The following GABRA2 variants were observed in gnomAD, a reference collection of about 807,000 sequenced individuals.
The protein encoded by GABRA2 is gamma-aminobutyric acid receptor subunit alpha-2.
A neutral mutation model predicts 48.7 loss-of-function variants in GABRA2; 16 were observed. The ratio of observed to expected loss-of-function variants is 0.33; its 90% CI spans 0.22 to 0.50. The LOEUF (loss-of-function observed/expected upper bound fraction) is 0.50. GABRA2 is among the 20% of genes least tolerant of loss of function. The probability of loss-of-function intolerance (pLI) is 0.98; values close to 1 mark genes in which losing one functional copy is unlikely to be tolerated. For synonymous variants in GABRA2, 185 were observed against 184.5 expected (o/e 1.00, Z -0.02); for missense variants, 275 against 535.6 (o/e 0.51, Z 4.80).
chr4:46,257,959 G>A (rs555426439), intron 9 of GABRA2, among the ~76,000 whole-genome samples: 22 of 151,808 alleles, frequency 1.4e-4, no homozygotes, highest in Admixed American at 1.3e-3. Flanking sequence ...ATGGGCAGTG[G>A]AAAGATATAA....
Position 46,250,306 on chromosome 4 carries a change from A to T in GABRA2, c.*2T>A, listed in dbSNP as rs76026776. On this transcript the variant is annotated 3_prime_UTR_variant, in exon 10 of 10. Transcript: ENST00000381620. ...CATCCCAAAGATAACATGGGTCTCAATTCAAGGACTGACCCCTAATACAGG... is the reference window on the plus strand; with the variant it reads ...CATCCCAAAGATAACATGGGTCTCATTTCAAGGACTGACCCCTAATACAGG... 3,781 of 1,606,202 alleles carry T rather than the reference A, an allele frequency of 2.4e-3. 79 individuals carry two copies. The African/African-American group carries it at 0.044, about 19-fold the overall frequency.
chr4:46,261,227 T>C (rs900463243), intron 9 of GABRA2: 8 of 152,100 alleles, frequency 5.3e-5, no homozygotes, highest in African/African-American at 1.9e-4. Flanking sequence ...AGCAATAATC[T>C]CAAAAGAAGT....
intron 4 of GABRA2, among the ~76,000 whole-genome samples, chr4:46,330,735 CTT>C (rs958728610): frequency 7.2e-5 from 11 of 151,810 alleles, no homozygotes; most frequent in Non-Finnish European, 1.2e-4. Flanking sequence ...ATTTGGGAGT[CTT>C]ATATCATTTG....
At position 46,364,368 on chromosome 4, in the gene GABRA2, G is replaced by C. The variant is rs376783961; in HGVS notation, c.187+21706C>G. On this transcript the variant is annotated intron_variant, in intron 3 of 9. Coordinates refer to ENST00000381620, the MANE Select transcript of GABRA2 (RefSeq NM_000807.4). ...AAAATTAGTAACAGTAGATATGCTAGTTTTCTATTGTTTAACAAATTATTA... is the reference window on the plus strand; with the variant it reads ...AAAATTAGTAACAGTAGATATGCTACTTTTCTATTGTTTAACAAATTATTA... The C allele has an allele frequency of 2.6e-5, 4 of 152,286 alleles. No individual in the cohort carries two copies. The East Asian group carries it at 7.7e-4, about 29-fold the overall frequency. 9.4% of individuals were successfully genotyped at this position (152,286 alleles called of 1,614,324 possible). A position where few individuals can be genotyped will look rare whatever the true frequency, so the allele number is the denominator to read the frequency against.
In GABRA2 at chr4:46,306,944, C is replaced by T. The variant is rs187471405; in HGVS notation, c.560-1233G>A. On this transcript the variant is annotated intron_variant, in intron 6 of 9. Coordinates refer to ENST00000381620, the MANE Select transcript of GABRA2 (RefSeq NM_000807.4). ...TAATGACATACCTGGCATTGTCTAA[C>T]GGCAATGTTGTCTGGTTTTCTGAAT... Among the ~76,000 whole-genome samples, 8 of 152,130 alleles carry T rather than the reference C, an allele frequency of 5.3e-5. No individual in the cohort carries two copies. The East Asian group carries it at 7.8e-4, about 15-fold the overall frequency.
rs538571873 is a variant in GABRA2 at position 46,352,665 on chromosome 4, T to C, written c.188-19983A>G. ...TTTTAGACAGACCCTTTGGGGCTTA[T>C]TTTGTCAGGTAATTGTATCCATTGT... On this transcript the variant is annotated intron_variant, in intron 3 of 9. Coordinates refer to ENST00000381620, the MANE Select transcript of GABRA2 (RefSeq NM_000807.4). Among the ~76,000 whole-genome samples the C allele has an allele frequency of 2.2e-4, 33 of 152,174 alleles. No individual in the cohort carries two copies. The Middle Eastern group carries it at 0.014, about 63-fold the overall frequency.
intron 8 of GABRA2, among the ~76,000 whole-genome samples, chr4:46,289,329 A>T (rs577318818): frequency 6.6e-6 from 1 of 152,264 alleles, no homozygotes; most frequent in Non-Finnish European, 1.5e-5. Context: ...GTAGACTAAG[A>T]AAATGTGGTA....
intron 8 of GABRA2, among the ~76,000 whole-genome samples, chr4:46,296,168 G>C (rs1724624252): frequency 1.3e-5 from 2 of 152,136 alleles, no homozygotes; most frequent in Admixed American, 6.5e-5. Context: ...ATATGATACT[G>C]TTTTGCCTAT....
chr4:46,274,477 G>A (rs945920900), intron 8 of GABRA2, among the ~76,000 whole-genome samples: 3 of 152,080 alleles, frequency 2.0e-5, no homozygotes, highest in Non-Finnish European at 4.4e-5. Context: ...ACATTAAAGT[G>A]TTTAAATTGC....
intron 3 of GABRA2, among the ~76,000 whole-genome samples, chr4:46,377,327 G>A (rs1459216914): frequency 1.3e-5 from 2 of 151,644 alleles, no homozygotes; most frequent in African/African-American, 2.4e-5. Flanking sequence ...TCTGGGAAGT[G>A]AGGAGCGTCT....
chr4:46,326,417 A>G (rs1730384770), intron 4 of GABRA2, among the ~76,000 whole-genome samples: 1 of 151,616 alleles, frequency 6.6e-6, no homozygotes, highest in Admixed American at 6.6e-5. Flanking sequence ...ACAGAATCCC[A>G]TTTTGGCAGA....
intron 8 of GABRA2, among the ~76,000 whole-genome samples, chr4:46,263,788 A>T (rs1717533663): frequency 6.6e-6 from 1 of 152,050 alleles, no homozygotes; most frequent in Non-Finnish European, 1.5e-5. Flanking sequence ...ATCTTTGCAA[A>T]AAAGGTAATT....
intron 4 of GABRA2, among the ~76,000 whole-genome samples, chr4:46,322,123 A>G (rs1223678251): frequency 6.6e-6 from 1 of 151,994 alleles, no homozygotes; most frequent in African/African-American, 2.4e-5. Context: ...AAAACACAGA[A>G]AAAGAAGAGG....
chr4:46,312,815 G>A (rs958443319), intron 4 of GABRA2, 99 bp from the exon 5 acceptor site: 2 of 634,642 alleles, frequency 3.2e-6, no homozygotes, highest in Non-Finnish European at 5.2e-6. Flanking sequence ...TAAACAGAGA[G>A]AGCTATATTG....
At position 46,380,327 on chromosome 4, in the gene GABRA2, T is replaced by C. The variant is rs185687637; in HGVS notation, c.187+5747A>G. Among the ~76,000 whole-genome samples, 18 of 152,310 alleles carry C rather than the reference T, an allele frequency of 1.2e-4. No homozygotes were observed. The East Asian group carries it at 3.5e-3, about 29-fold the overall frequency. On this transcript the variant is annotated intron_variant, in intron 3 of 9. Coordinates refer to ENST00000381620, the MANE Select transcript of GABRA2 (RefSeq NM_000807.4). ...CAAAGATGTGCCCACACAATAAGAC[T>C]GAATGCATAAGAAACACACAAATAA... is the stretch of plus-strand genomic sequence containing the variant.
At chr4:46,256,610 G>A (rs966154492) in intron 9 of GABRA2, among the ~76,000 whole-genome samples, 15 of 151,602 alleles carry the variant, frequency 9.9e-5, no homozygotes, top group Non-Finnish European at 1.8e-4. Flanking sequence ...AGAATTTGAA[G>A]CTTAACTGCT....
intron 8 of GABRA2, among the ~76,000 whole-genome samples, chr4:46,289,066 C>T (rs1333847073): frequency 3.9e-5 from 6 of 151,934 alleles, no homozygotes; most frequent in African/African-American, 9.7e-5. Context: ...CAGATGCTGG[C>T]AGGATATGGA....
intron 8 of GABRA2, among the ~76,000 whole-genome samples, chr4:46,294,013 T>G (rs1007133510): frequency 7.2e-5 from 11 of 152,238 alleles, no homozygotes; most frequent in Non-Finnish European, 1.5e-4. Flanking sequence ...AGCCATTGAC[T>G]CAGCAAATGC....
chr4:46,256,037 G>T (rs950924519), intron 9 of GABRA2, among the ~76,000 whole-genome samples: 4 of 151,486 alleles, frequency 2.6e-5, no homozygotes, highest in African/African-American at 7.3e-5. Context: ...TCTCCAAAGG[G>T]CAAATCTATG....
Sources: allele counts gnomAD v4.1 joint callset (sites outside exome capture counted in the v4.1 genomes callset), GRCh38; gene constraint gnomAD v4.1.1; transcripts MANE v1.5; gene names NCBI Gene and HGNC (gene_info 2026-07-23, HGNC 2026-07-21).